Variants in OASL observed in about 807,000 individuals in gnomAD.
OASL encodes 2'-5'-oligoadenylate synthetase like.
In OASL, 28 loss-of-function variants were observed where a neutral mutation model predicts 35.3. That is an observed-to-expected ratio of 0.79 (90% CI 0.59 to 1.09). The LOEUF (loss-of-function observed/expected upper bound fraction) is 1.09. OASL is among the 50% of genes least tolerant of loss of function. The probability of loss-of-function intolerance (pLI) is 0.00; values close to 1 mark genes in which losing one functional copy is unlikely to be tolerated. For synonymous variants in OASL, 252 were observed against 254.6 expected, an observed-to-expected ratio of 0.99 and a Z score of 0.10; for missense variants, 620 against 635.2, an observed-to-expected ratio of 0.98 and a Z score of 0.26.
intron 1 of OASL, among the ~76,000 whole-genome samples, chr12:121,035,284 T>C (rs915222171): frequency 6.6e-6 from 1 of 152,014 alleles, no homozygotes; most frequent in Non-Finnish European, 1.5e-5. Context: ...CTCAGCACTT[T>C]GGGAGGCCAA....
chr12:121,022,660 G>A (rs1300996340), intron 5 of OASL, among the ~76,000 whole-genome samples: 2 of 152,142 alleles, frequency 1.3e-5, no homozygotes, highest in Non-Finnish European at 2.9e-5. Context: ...TCTGCCTTCT[G>A]CTCCAAGCAG....
chr12:121,025,855 G>C (rs1033894427), intron 4 of OASL, among the ~76,000 whole-genome samples: 1 of 151,956 alleles, frequency 6.6e-6, no homozygotes, highest in East Asian at 1.9e-4. Context: ...CTGTGTAATC[G>C]AATGTGACAC....
intron 5 of OASL, 133 bp downstream of exon 5, chr12:121,023,857 G>T: frequency 2.9e-6 from 3 of 1,019,966 alleles, no homozygotes; most frequent in Non-Finnish European, 2.8e-6. Flanking sequence ...GCCCATGGGT[G>T]GTGCAGCTGG....
At chr12:121,021,157 G>T in intron 5 of OASL, 99 bp from the exon 6 acceptor site, 2 of 1,209,388 alleles carry the variant, frequency 1.7e-6, no homozygotes, top group Non-Finnish European at 2.2e-6. Flanking sequence ...AATAGTAGCA[G>T]CAGCAGCGGC....
intron 4 of OASL, 84 bp downstream of exon 4, chr12:121,027,492 A>G: frequency 6.3e-7 from 1 of 1,576,344 alleles, no homozygotes; most frequent in Non-Finnish European, 8.6e-7. Flanking sequence ...TAATACAGCC[A>G]ATCCATAAAA....
intron 2 of OASL, among the ~76,000 whole-genome samples, chr12:121,032,756 A>AC (rs1869786855): frequency 6.6e-6 from 1 of 151,700 alleles, no homozygotes; most frequent in African/African-American, 2.4e-5. Flanking sequence ...GCAGTGACAG[A>AC]CCCCCACTCC....
intron 4 of OASL, among the ~76,000 whole-genome samples, chr12:121,026,568 G>T (rs1869493301): frequency 6.6e-6 from 1 of 152,152 alleles, no homozygotes; most frequent in African/African-American, 2.4e-5. Context: ...AGTATGGAAT[G>T]GGGCCCAGTG....
intron 3 of OASL, among the ~76,000 whole-genome samples, chr12:121,028,186 A>G (rs1869570566): frequency 6.6e-6 from 1 of 152,204 alleles, no homozygotes; most frequent in African/African-American, 2.4e-5. Context: ...GTTTCCTTAG[A>G]TAGAGGGAAA....
intron 5 of OASL, 113 bp downstream of exon 5, chr12:121,023,877 G>A (rs1176718627): frequency 1.2e-5 from 16 of 1,307,786 alleles, no homozygotes; most frequent in Admixed American, 1.0e-4. Context: ...GCCCTTAAAC[G>A]GTGACTCTAA....
chr12:121,022,960 GATAATA>G (rs1462305516), intron 5 of OASL, among the ~76,000 whole-genome samples: 2 of 152,046 alleles, frequency 1.3e-5, no homozygotes, highest in African/African-American at 2.4e-5. Flanking sequence ...TAGTAATGAT[GATAATA>G]ATAATAAAGA....
chr12:121,022,707 A>G (rs556355593), intron 5 of OASL, among the ~76,000 whole-genome samples: 1 of 152,134 alleles, frequency 6.6e-6, no homozygotes, highest in South Asian at 2.1e-4. Context: ...TGCTCATCCC[A>G]GCCTCCCATC....
exon 6 of OASL, chr12:121,020,849 G>C (rs1382959104): frequency 6.2e-7 from 1 of 1,614,220 alleles, no homozygotes; most frequent in Admixed American, 1.7e-5. Context: ...GAGTGTGGGA[G>C]AAGATCCCAT....
chr12:121,029,748 A>G (rs1869652461), intron 3 of OASL, among the ~76,000 whole-genome samples: 1 of 152,188 alleles, frequency 6.6e-6, no homozygotes, highest in African/African-American at 2.4e-5. Flanking sequence ...ATTCATCCTT[A>G]ACACTCAATT....
chr12:121,038,888 C>T (rs1240911360), exon 1 of OASL: 2 of 1,614,082 alleles, frequency 1.2e-6, no homozygotes, highest in African/African-American at 1.3e-5. Context: ...CTTCCTTCCA[C>T]TCCCGGTGGG....
intron 2 of OASL, among the ~76,000 whole-genome samples, chr12:121,032,193 A>T (rs1197481698): frequency 6.8e-6 from 1 of 146,032 alleles, no homozygotes; most frequent in Non-Finnish European, 1.5e-5. Flanking sequence ...ACTCCGTCTC[A>T]AAAAATATAT....
exon 6 of OASL, chr12:121,019,145 G>T (rs1201008379): frequency 1.3e-5 from 2 of 152,050 alleles, no homozygotes; most frequent in African/African-American, 2.4e-5. Context: ...TTTTAAACAA[G>T]AATTTTCCCA....
intron 4 of OASL, 87 bp downstream of exon 4, chr12:121,027,489 G>A: frequency 6.4e-7 from 1 of 1,571,098 alleles, no homozygotes. Context: ...GCTTAATACA[G>A]CCAATCCATA....
chr12:121,026,558 A>C (rs1301492829), intron 4 of OASL, among the ~76,000 whole-genome samples: 2 of 152,208 alleles, frequency 1.3e-5, no homozygotes, highest in Non-Finnish European at 2.9e-5. Flanking sequence ...TTTAGGAAAG[A>C]GTATGGAATG....
intron 4 of OASL, among the ~76,000 whole-genome samples, chr12:121,025,359 C>G (rs1367037396): frequency 6.6e-6 from 1 of 152,124 alleles, no homozygotes; most frequent in Non-Finnish European, 1.5e-5. Flanking sequence ...TGGGCTGCCC[C>G]CAAAAGTCTC....
Sources: allele counts gnomAD v4.1 joint callset (sites outside exome capture counted in the v4.1 genomes callset), GRCh38; gene constraint gnomAD v4.1.1; transcripts MANE v1.5; gene names NCBI Gene and HGNC (gene_info 2026-07-23, HGNC 2026-07-21).